The following RSPO2 variants were observed in gnomAD, a reference collection of about 807,000 sequenced individuals.
The protein encoded by RSPO2 is R-spondin-2.
RSPO2 carries 14 observed loss-of-function variants against 30.9 expected under a neutral mutation model. The ratio of observed to expected loss-of-function variants is 0.45; its 90% CI spans 0.30 to 0.71. The LOEUF is 0.71. RSPO2 is among the 30% of genes least tolerant of loss of function. RSPO2 has a pLI of 0.08. For missense variants in RSPO2, 264 were observed against 301.9 expected (o/e 0.87, Z 0.93); for synonymous variants, 107 against 96.4 (o/e 1.11, Z -0.64).
intron 3 of RSPO2, among the ~76,000 whole-genome samples, chr8:107,967,601 T>C (rs1392373681): frequency 6.6e-6 from 1 of 152,160 alleles, no homozygotes; most frequent in Non-Finnish European, 1.5e-5. Flanking sequence ...CTTTGAATGA[T>C]GACACAGAGA....
chr8:108,012,944 T>C (rs1245026265), intron 2 of RSPO2, among the ~76,000 whole-genome samples: 1 of 152,210 alleles, frequency 6.6e-6, no homozygotes, highest in Non-Finnish European at 1.5e-5. Context: ...CAGAGCCTAA[T>C]GGGTCTTGCT....
chr8:107,957,886 A>C (rs1200067970), intron 5 of RSPO2, among the ~76,000 whole-genome samples, 194 bp downstream of exon 5: 1 of 152,234 alleles, frequency 6.6e-6, no homozygotes, highest in Non-Finnish European at 1.5e-5. Context: ...TTATGAAAGT[A>C]ATAAAATATG....
chr8:108,078,299 A>T (rs1658930727), intron 2 of RSPO2, among the ~76,000 whole-genome samples: 1 of 152,346 alleles, frequency 6.6e-6, no homozygotes, highest in East Asian at 1.9e-4. Context: ...TTATGCCGTT[A>T]TGTTGGAAGA....
chr8:108,000,797 TGA>T (rs1468264081), intron 2 of RSPO2, among the ~76,000 whole-genome samples: 1 of 151,938 alleles, frequency 6.6e-6, no homozygotes, highest in Non-Finnish European at 1.5e-5. Flanking sequence ...GTTAGGAGAT[TGA>T]GATGATCCTG....
intron 5 of RSPO2, among the ~76,000 whole-genome samples, chr8:107,928,790 T>C (rs1169750855): frequency 6.6e-6 from 1 of 152,186 alleles, no homozygotes; most frequent in Admixed American, 6.6e-5. Context: ...TCCTATGAGA[T>C]AAAGTTGGCG....
intron 3 of RSPO2, among the ~76,000 whole-genome samples, chr8:107,986,680 C>G (rs564177499): frequency 4.3e-4 from 65 of 152,282 alleles, no homozygotes; most frequent in Non-Finnish European, 8.7e-4. Context: ...TATACGGCCA[C>G]CCTATTGTCC....
intron 4 of RSPO2, among the ~76,000 whole-genome samples, chr8:107,958,663 C>T (rs575233721): frequency 9.9e-5 from 15 of 152,252 alleles, no homozygotes; most frequent in African/African-American, 2.6e-4. Context: ...GCCCAGCATC[C>T]ATTATCTATT....
chr8:107,929,326 T>C (rs890924434), intron 5 of RSPO2, among the ~76,000 whole-genome samples: 7 of 152,158 alleles, frequency 4.6e-5, no homozygotes, highest in African/African-American at 1.7e-4. Context: ...GTAGAGGAGA[T>C]AAATTCACTT....
intron 3 of RSPO2, among the ~76,000 whole-genome samples, chr8:107,974,094 G>T (rs868489013): frequency 1.7e-4 from 26 of 152,038 alleles, no homozygotes; most frequent in Admixed American, 4.6e-4. Flanking sequence ...TGCCTACAGG[G>T]GTGCCAACTT....
chr8:107,990,652 C>T (rs778187430), intron 2 of RSPO2, among the ~76,000 whole-genome samples: 5 of 152,110 alleles, frequency 3.3e-5, no homozygotes, highest in African/African-American at 7.2e-5. Context: ...CGATTCAATG[C>T]TATTTCCATT....
chr8:108,001,042 A>G (rs1484692115), intron 2 of RSPO2, among the ~76,000 whole-genome samples: 2 of 151,104 alleles, frequency 1.3e-5, no homozygotes, highest in African/African-American at 2.4e-5. Context: ...AATAAAAAAA[A>G]TTAGCCAGGC....
rs1024801447 is a variant in RSPO2, at chr8:107,977,026, A to T, written c.283+12030T>A. On this transcript the variant is annotated intron_variant, in intron 3 of 5. Coordinates refer to ENST00000276659, the MANE Select transcript of RSPO2 (RefSeq NM_178565.5). Reference sequence around the variant, plus strand: ...AGAAAGTGTGGGAGGCAGAGAAAAAAGTTAGGGAAGGGGAGAGACAAGTAT... The same window carrying T: ...AGAAAGTGTGGGAGGCAGAGAAAAATGTTAGGGAAGGGGAGAGACAAGTAT... Among the ~76,000 whole-genome samples the T allele has an allele frequency of 4.6e-5, 7 of 152,310 alleles. No homozygotes were observed. The South Asian group carries it at 6.2e-4, about 14-fold the overall frequency.
Position 107,961,876 on chromosome 8 carries a change from G to A in RSPO2, c.284-1059C>T, listed in dbSNP as rs554149402. On this transcript the variant is annotated intron_variant, in intron 3 of 5. Transcript: ENST00000276659. ...AAAAGAAGCAATAATTTATAAGCTT[G>A]TATTCTAGATCACATTCCCTGGTAG... is the stretch of plus-strand genomic sequence containing the variant. Among the ~76,000 whole-genome samples the A allele has an allele frequency of 3.3e-5, 5 of 152,326 alleles. No homozygotes were observed. In the South Asian group the frequency reaches 1.0e-3, roughly 32 times the overall value.
chr8:108,082,417 G>T, intron 2 of RSPO2, 128 bp downstream of exon 2: 6 of 676,258 alleles, frequency 8.9e-6, no homozygotes, highest in Non-Finnish European at 1.0e-5. Context: ...TGGGGACTGG[G>T]GACCCGCAAA....
At chr8:107,981,879 A>T (rs544859326) in intron 3 of RSPO2, among the ~76,000 whole-genome samples, 76 of 152,028 alleles carry the variant, frequency 5.0e-4, no homozygotes, top group African/African-American at 1.8e-3. Flanking sequence ...TACATTTTTT[A>T]AAAAATTAGC....
chr8:108,016,370 T>C (rs1268911599), intron 2 of RSPO2, among the ~76,000 whole-genome samples: 1 of 152,160 alleles, frequency 6.6e-6, no homozygotes, highest in East Asian at 1.9e-4. Context: ...CAAGTAAACG[T>C]CTGTGAAGCA....
chr8:107,911,548 A>G (rs528770025), intron 5 of RSPO2, among the ~76,000 whole-genome samples: 1 of 152,318 alleles, frequency 6.6e-6, no homozygotes, highest in African/African-American at 2.4e-5. Context: ...CAGCATCTGT[A>G]TAAGGAAGGA....
intron 2 of RSPO2, among the ~76,000 whole-genome samples, chr8:108,021,301 A>T (rs1011312520): frequency 6.6e-6 from 1 of 152,214 alleles, no homozygotes; most frequent in South Asian, 2.1e-4. Context: ...TATGTAAATA[A>T]ATGAACTTTT....
At chr8:108,049,647 T>C (rs1346989658) in intron 2 of RSPO2, among the ~76,000 whole-genome samples, 1 of 152,014 alleles carries the variant, frequency 6.6e-6, no homozygotes, top group East Asian at 1.9e-4. Flanking sequence ...GGTGAGAACA[T>C]GCGGTGTTTG....
Sources: gnomAD v4.1 joint callset for allele counts (sites outside exome capture counted in the v4.1 genomes callset) on GRCh38, gnomAD v4.1.1 for gene constraint, MANE v1.5 for transcripts, NCBI Gene and HGNC (gene_info 2026-07-23, HGNC 2026-07-21) for gene names.